The following MTMR9 variants were observed in gnomAD, a reference collection of about 807,000 sequenced individuals.
MTMR9 encodes myotubularin-related protein 9.
Under a neutral mutation model 69.5 loss-of-function variants are expected in MTMR9, and 39 were observed. That is an observed-to-expected ratio of 0.56 (90% CI 0.43 to 0.73). The LOEUF (loss-of-function observed/expected upper bound fraction) is 0.73. Among genes scored for constraint, MTMR9 ranks in the 30% least tolerant of loss-of-function variants. The pLI, the probability that MTMR9 is intolerant of heterozygous loss-of-function variation, is 0.00. For missense variants in MTMR9, 900 were observed against 671.2 expected (o/e 1.34, Z -3.77); for synonymous variants, 354 against 240.8 (o/e 1.47, Z -4.35).
rs1800363330 is a variant in MTMR9 at position 11,315,149 on chromosome 8, AT to A, written c.1113+88del. 3 of 1,485,786 alleles carry A rather than the reference AT, an allele frequency of 2.0e-6. No individual in the cohort carries two copies. In the East Asian group the frequency reaches 6.9e-5, roughly 34 times the overall value. The allele number at this position is 1,485,786 out of a possible 1,614,324, so 92.0% of individuals were successfully genotyped here. ...TGTGGTAGCTGACATAATGTGTGAA[AT>A]TTCGATTGATTAAAATTTCTAAGTT... is the stretch of plus-strand genomic sequence containing the variant. On this transcript the variant is annotated intron_variant, in intron 7 of 9. Coordinates refer to ENST00000221086, the MANE Select transcript of MTMR9 (RefSeq NM_015458.4).
chr8:11,295,172 C>G, intron 1 of MTMR9, 22 bp from the exon 2 acceptor site: 1 of 1,320,578 alleles, frequency 7.6e-7, no homozygotes, highest in Non-Finnish European at 1.1e-6. Flanking sequence ...TGTTCCTAAA[C>G]ATGATTTGCA....
At position 11,304,968 on chromosome 8, in the gene MTMR9, GA is replaced by G; in HGVS notation, c.546del (p.Arg184AlafsTer5). ...ALRKVATFRH[G>X]GRFPVLSYYH... is the part of the protein sequence containing the mutation. ...CGGAAGGTAGCTACATTTCGACATGGAGGGCGCTTCCCAGTACTAAGCTATT... is the reference window on the plus strand; with the variant it reads ...CGGAAGGTAGCTACATTTCGACATGGGGGCGCTTCCCAGTACTAAGCTATT... On this transcript the variant is annotated frameshift_variant, in exon 4 of 10. Coordinates refer to ENST00000221086, the MANE Select transcript of MTMR9 (RefSeq NM_015458.4). LOFTEE classifies it high-confidence loss of function. 6.2e-7 allele frequency: 1 copy of G among 1,614,088 alleles called. No individual in the cohort carries two copies. Among genetic ancestry groups the G allele is most frequent in the Non-Finnish European group, 8.5e-7 (1 of 1,179,982 alleles).
At chr8:11,293,923 A>T (rs1799457205) in intron 1 of MTMR9, among the ~76,000 whole-genome samples, 1 of 152,176 alleles carries the variant, frequency 6.6e-6, no homozygotes, top group Non-Finnish European at 1.5e-5. Flanking sequence ...TGTCATTTTC[A>T]CACTGTCTTA....
At chr8:11,328,444 C>A (rs1298520636), downstream of MTMR9, among the ~76,000 whole-genome samples, 1 of 151,874 alleles carries the variant, frequency 6.6e-6, no homozygotes, top group East Asian at 1.9e-4. Context: ...CTAAATACTT[C>A]ACAGGAATCT....
chr8:11,296,278 A>G (rs1358545003), intron 2 of MTMR9, among the ~76,000 whole-genome samples: 3 of 152,176 alleles, frequency 2.0e-5, no homozygotes, highest in African/African-American at 7.2e-5. Context: ...GGGCTGTTGT[A>G]AGAATTTTAT....
rs912314192 is a variant in MTMR9, at chr8:11,325,836, T to C, written c.*3048T>C. On this transcript the variant is annotated 3_prime_UTR_variant, in exon 10 of 10. Transcript: ENST00000221086. ...GTAAAATTCAGTAGGTTTAAAACAATCTATAAATGTATTTTATTTCCAAGA... is the reference window on the plus strand; with the variant it reads ...GTAAAATTCAGTAGGTTTAAAACAACCTATAAATGTATTTTATTTCCAAGA... 1 of 152,160 alleles carries C rather than the reference T, an allele frequency of 6.6e-6. No individual in the cohort carries two copies. Among genetic ancestry groups the C allele is most frequent in the Non-Finnish European group, 1.5e-5 (1 of 68,026 alleles). The allele number at this position is 152,160 out of a possible 1,614,324, so 9.4% of individuals were successfully genotyped here. A position where few individuals can be genotyped will look rare whatever the true frequency, so the allele number is the denominator to read the frequency against.
chr8:11,338,135 C>G, the MTMR9 span, among the ~76,000 whole-genome samples: 1 of 152,206 alleles, frequency 6.6e-6, no homozygotes, highest in Non-Finnish European at 1.5e-5. Flanking sequence ...ATTTAGCGTC[C>G]TGGCAAGGAC....
At chr8:11,319,981 A>G (rs1038534626) in intron 9 of MTMR9, 143 bp downstream of exon 9, 3 of 697,948 alleles carry the variant, frequency 4.3e-6, no homozygotes, top group Middle Eastern at 2.8e-4. Flanking sequence ...CAGTGTGGGC[A>G]TGTTTTTCTC....
Position 11,327,557 on chromosome 8 carries a change from C to G in MTMR9, c.*4769C>G, listed in dbSNP as rs942872615. The G allele has an allele frequency of 6.6e-6, 1 of 152,570 alleles. No homozygotes were observed. The highest frequency in any genetic ancestry group is 1.5e-5 in the Non-Finnish European group (1 of 68,030). The allele number at this position is 152,570 out of a possible 1,614,324, so 9.5% of individuals were successfully genotyped here. A position where few individuals can be genotyped will look rare whatever the true frequency, so the allele number is the denominator to read the frequency against. ...TCTCATTGTTTAAAACCTTACTGAT[C>G]TAATACCATCTACACAAAAAAATGT... On this transcript the variant is annotated 3_prime_UTR_variant, in exon 10 of 10. Coordinates refer to ENST00000221086, the MANE Select transcript of MTMR9 (RefSeq NM_015458.4).
At chr8:11,334,254 A>T in the MTMR9 span, among the ~76,000 whole-genome samples, 1 of 152,254 alleles carries the variant, frequency 6.6e-6, no homozygotes, top group Non-Finnish European at 1.5e-5. Flanking sequence ...ATAAAAAAAC[A>T]GTATTAATGT....
chr8:11,319,642 T>G, intron 8 of MTMR9, 45 bp from the exon 9 acceptor site: 1 of 1,599,960 alleles, frequency 6.3e-7, no homozygotes, highest in East Asian at 2.2e-5. Context: ...CAATAATGGT[T>G]GTTATAAATT....
chr8:11,290,955 TAA>T (rs1799362539), intron 1 of MTMR9, among the ~76,000 whole-genome samples: 1 of 151,956 alleles, frequency 6.6e-6, no homozygotes, highest in Non-Finnish European at 1.5e-5. Context: ...ATGGGATTTT[TAA>T]AAGTCTTTAA....
chr8:11,310,494 A>C (rs1443539631), intron 6 of MTMR9, among the ~76,000 whole-genome samples: 1 of 152,214 alleles, frequency 6.6e-6, no homozygotes, highest in Non-Finnish European at 1.5e-5. Context: ...AGAGAAATTC[A>C]TAATAGAATG....
downstream of MTMR9, chr8:11,331,594 T>G (rs756266038): frequency 3.2e-5 from 51 of 1,613,566 alleles, no homozygotes; most frequent in Non-Finnish European, 4.2e-5. Context: ...TGTGGACTGT[T>G]GGGCAGCATC....
At chr8:11,329,105 G>A (rs1801079108), downstream of MTMR9, among the ~76,000 whole-genome samples, 1 of 152,080 alleles carries the variant, frequency 6.6e-6, no homozygotes, top group African/African-American at 2.4e-5. Context: ...ATTCATTTCT[G>A]TGCACTCTAT....
At chr8:11,331,349 C>G (rs776516733), downstream of MTMR9, 2 of 1,613,998 alleles carry the variant, frequency 1.2e-6, no homozygotes, top group South Asian at 2.2e-5. Flanking sequence ...TCTTCCACCT[C>G]CCTATTGCCC....
At chr8:11,331,757 C>G, downstream of MTMR9, 1 of 1,611,972 alleles carries the variant, frequency 6.2e-7, no homozygotes, top group Non-Finnish European at 8.5e-7. Flanking sequence ...ACTTTCCCTC[C>G]TGCCTCCCAA....
chr8:11,292,249 G>A (rs1162049828), intron 1 of MTMR9, among the ~76,000 whole-genome samples: 8 of 152,242 alleles, frequency 5.3e-5, no homozygotes, highest in African/African-American at 1.9e-4. Flanking sequence ...GGAAATGTGG[G>A]TTTCCAATTT....
chr8:11,331,512 G>T (rs139403351), downstream of MTMR9: 30 of 1,613,918 alleles, frequency 1.9e-5, no homozygotes, highest in African/African-American at 3.5e-4. Flanking sequence ...TGTTCGCAAA[G>T]GTTCTTCCAC....
Sources: gnomAD v4.1 joint callset for allele counts (sites outside exome capture counted in the v4.1 genomes callset) on GRCh38, gnomAD v4.1.1 for gene constraint, MANE v1.5 for transcripts, NCBI Gene and HGNC (gene_info 2026-07-23, HGNC 2026-07-21) for gene names.